EIPR1: variants seen among roughly 807,000 people sequenced by gnomAD.
The protein encoded by EIPR1 is EARP complex and GARP complex interacting protein 1, also known as EARP and GARP complex-interacting protein 1.
A neutral mutation model predicts 48.1 loss-of-function variants in EIPR1; 25 were observed. The ratio of observed to expected loss-of-function variants is 0.52; its 90% CI spans 0.38 to 0.73. EIPR1 has a LOEUF of 0.73. Ranked by LOEUF, EIPR1 falls within the 30% of genes least tolerant of loss-of-function variation. EIPR1 has a pLI of 0.00. For synonymous variants in EIPR1, 204 were observed against 201.9 expected (o/e 1.01, Z -0.09); for missense variants, 415 against 506.2 (o/e 0.82, Z 1.73).
chr2:3,335,460 C>G (rs564711212), intron 3 of EIPR1, among the ~76,000 whole-genome samples: 1 of 150,638 alleles, frequency 6.6e-6, no homozygotes, highest in African/African-American at 2.4e-5. Flanking sequence ...TGGTCCTGCA[C>G]GAGGGGGGTT....
At chr2:3,316,970 G>A (rs1171867446) in intron 3 of EIPR1, among the ~76,000 whole-genome samples, 2 of 152,352 alleles carry the variant, frequency 1.3e-5, no homozygotes, top group East Asian at 3.8e-4. Context: ...TCTGTGCCTT[G>A]CACATGGGGT....
chr2:3,373,996 A>C (rs562548604), intron 1 of EIPR1, among the ~76,000 whole-genome samples: 3 of 147,138 alleles, frequency 2.0e-5, no homozygotes, highest in South Asian at 2.2e-4. Flanking sequence ...AGGCTACAGT[A>C]ACCAAAACAG....
chr2:3,316,278 C>T (rs371726813), intron 3 of EIPR1, among the ~76,000 whole-genome samples: 2 of 151,814 alleles, frequency 1.3e-5, no homozygotes, highest in African/African-American at 4.8e-5. Context: ...CTCCACCACA[C>T]CCAGGACCCC....
chr2:3,372,557 A>T (rs1412069291), intron 1 of EIPR1, among the ~76,000 whole-genome samples: 1 of 152,216 alleles, frequency 6.6e-6, no homozygotes, highest in Non-Finnish European at 1.5e-5. Flanking sequence ...TATCACCACC[A>T]ATCCCACAGA....
At position 3,189,681 on chromosome 2, in the gene EIPR1, G is replaced by T. The variant is rs1346448459; in HGVS notation, c.990-173C>A. ...GAGCCCACACCGAGGACGGTGGGGT[G>T]GTCCCTGCAGAAGCCCAGAAACCCT... On this transcript the variant is annotated intron_variant, in intron 8 of 8. Coordinates refer to ENST00000382125, the MANE Select transcript of EIPR1 (RefSeq NM_003310.5). This position sits in a 1 kb window ranked among gnomAD's most constrained non-coding sequence, Gnocchi z 4.6. Among the ~76,000 whole-genome samples, 2 of 152,148 alleles carry T rather than the reference G, an allele frequency of 1.3e-5. No individual in the cohort carries two copies. The highest frequency in any genetic ancestry group is 2.9e-5 in the Non-Finnish European group (2 of 68,028).
intron 3 of EIPR1, among the ~76,000 whole-genome samples, chr2:3,328,563 T>C (rs1428720167): frequency 1.6e-5 from 2 of 127,810 alleles, no homozygotes; most frequent in African/African-American, 6.0e-5. Flanking sequence ...GGTGCCAGCC[T>C]GGGCTCCCCT....
intron 3 of EIPR1, among the ~76,000 whole-genome samples, chr2:3,328,594 C>T (rs76848889): frequency 7.5e-5 from 10 of 134,032 alleles, no homozygotes; most frequent in African/African-American, 3.0e-4. Context: ...CTACCCACCA[C>T]GCTCTAATGA....
At position 3,257,436 on chromosome 2, in the gene EIPR1, C is replaced by T. The variant is rs562282934; in HGVS notation, c.279G>A (p.Leu93=). 4 of 1,614,186 alleles carry T rather than the reference C, an allele frequency of 2.5e-6. No individual in the cohort carries two copies. Among genetic ancestry groups the T allele is most frequent in the South Asian group, 1.1e-5 (1 of 91,072 alleles). The change falls in exon 4 of 9, where the codon CTG becomes CTA. Residue 93 remains leucine, a synonymous_variant. Transcript: ENST00000382125. ...CYNRTSDSKV[L]TCAAVWRMPK... ...GCATCCTCCACACGGCTGCACATGT[C>T]AGGACTTTGCTGTCTGAAGCTGAGC...
chr2:3,235,430 ACACACACACGCGTGCGCG>A (rs1666372636), intron 4 of EIPR1, among the ~76,000 whole-genome samples: 2 of 107,420 alleles, frequency 1.9e-5, no homozygotes, highest in South Asian at 3.7e-4. Context: ...GCGCACACAC[ACACACACACGCGTGCGCG>A]CACACACACA....
At chr2:3,231,846 C>T (rs1666253241) in intron 4 of EIPR1, among the ~76,000 whole-genome samples, 1 of 152,192 alleles carries the variant, frequency 6.6e-6, no homozygotes, top group South Asian at 2.1e-4. Flanking sequence ...ATGCTGGTCT[C>T]ATAAAATAAG....
intron 4 of EIPR1, among the ~76,000 whole-genome samples, chr2:3,219,641 A>T (rs1028865432): frequency 2.8e-5 from 4 of 144,426 alleles, no homozygotes; most frequent in Non-Finnish European, 3.0e-5. Flanking sequence ...CACACTCAAC[A>T]TGACCCTGGT....
At chr2:3,196,518 C>G (rs900793692) in intron 6 of EIPR1, among the ~76,000 whole-genome samples, 5 of 152,190 alleles carry the variant, frequency 3.3e-5, no homozygotes, top group African/African-American at 1.2e-4. Flanking sequence ...GAGACTTAAC[C>G]TGGGGACTGC....
Position 3,335,563 on chromosome 2 carries a change from C to T in EIPR1, c.259+2454G>A, listed in dbSNP as rs2324581. ...TAACAACAAGCACAGCGTCTCCAGC[C>T]GGCAAAAGGTGCTGAGATGAAAAGC... On this transcript the variant is annotated intron_variant, in intron 3 of 8. Transcript: ENST00000382125. 1.1e-4 allele frequency among the ~76,000 whole-genome samples: 17 copies of T among 152,102 alleles called. No homozygotes were observed. The East Asian group carries it at 3.3e-3, about 29-fold the overall frequency.
At chr2:3,323,312 G>A (rs753343595) in intron 3 of EIPR1, among the ~76,000 whole-genome samples, 7 of 152,178 alleles carry the variant, frequency 4.6e-5, no homozygotes, top group Non-Finnish European at 1.0e-4. Context: ...GGACACCAAA[G>A]GTGATGTGGG....
In EIPR1 at chr2:3,214,146, T is replaced by C. The variant is rs1025049282; in HGVS notation, c.516+3A>G. The stretch of plus-strand genomic sequence containing the variant: ...CAAACGCTGTGTTGTTGCTTTTACT[T>C]ACCACAGCCTGGCTCGAGCTTTCCT... On this transcript the variant is annotated splice_donor_region_variant and intron_variant, in intron 5 of 8. Coordinates refer to ENST00000382125, the MANE Select transcript of EIPR1 (RefSeq NM_003310.5). 5 of 1,612,832 alleles carry C rather than the reference T, an allele frequency of 3.1e-6. No individual in the cohort carries two copies. Among genetic ancestry groups the C allele is most frequent in the Non-Finnish European group, 2.5e-6 (3 of 1,179,218 alleles).
At chr2:3,232,004 ATC>A (rs1312093532) in intron 4 of EIPR1, among the ~76,000 whole-genome samples, 2 of 152,100 alleles carry the variant, frequency 1.3e-5, no homozygotes, top group African/African-American at 4.8e-5. Context: ...TACTGATTTA[ATC>A]TCTACTCATT....
intron 3 of EIPR1, among the ~76,000 whole-genome samples, chr2:3,287,360 C>T (rs1414881455): frequency 1.3e-5 from 2 of 151,346 alleles, no homozygotes; most frequent in Non-Finnish European, 2.9e-5. Flanking sequence ...CCAGAAAGCT[C>T]GTTCACTACG....
At chr2:3,269,843 GC>G (rs1357498709) in intron 3 of EIPR1, among the ~76,000 whole-genome samples, 2 of 152,374 alleles carry the variant, frequency 1.3e-5, no homozygotes, top group African/African-American at 4.8e-5. Context: ...AGATCCCTCT[GC>G]CCTTGGCGCA....
At chr2:3,337,026 G>A (rs1273042825) in intron 3 of EIPR1, among the ~76,000 whole-genome samples, 1 of 115,782 alleles carries the variant, frequency 8.6e-6, no homozygotes, top group African/African-American at 3.3e-5. Context: ...AGGGAAAAGG[G>A]AAGGGAAAAG....
Sources: allele counts gnomAD v4.1 joint callset (sites outside exome capture counted in the v4.1 genomes callset), GRCh38; gene constraint gnomAD v4.1.1; non-coding constraint Gnocchi (gnomAD v3.1); transcripts MANE v1.5; gene names NCBI Gene and HGNC (gene_info 2026-07-23, HGNC 2026-07-21).